The following MSANTD2 variants were observed in gnomAD, a reference collection of about 807,000 sequenced individuals.
MSANTD2 encodes myb/SANT-like DNA-binding domain-containing protein 2.
Under a neutral mutation model 52.6 loss-of-function variants are expected in MSANTD2, and 19 were observed. The observed-to-expected ratio is 0.36, with a 90% CI of 0.25 to 0.53. The LOEUF (loss-of-function observed/expected upper bound fraction) is 0.53, where lower values mean the gene tolerates loss of function less well. Ranked by LOEUF, MSANTD2 falls within the 20% of genes least tolerant of loss-of-function variation. MSANTD2 has a pLI of 0.91. For missense variants in MSANTD2, 558 were observed against 716.3 expected, an observed-to-expected ratio of 0.78 and a Z score of 2.52; for synonymous variants, 291 against 289.7, an observed-to-expected ratio of 1.00 and a Z score of -0.04.
chr11:124,772,654 G>A (rs1362135418), intron 3 of MSANTD2, among the ~76,000 whole-genome samples: 2 of 149,328 alleles, frequency 1.3e-5, no homozygotes, highest in African/African-American at 4.9e-5. Context: ...GGAGAATGGC[G>A]TGAACCTGGG....
In MSANTD2 at chr11:124,800,279, T is replaced by C. The variant is rs1945656751; in HGVS notation, c.102A>G (p.Gly34=). ...SPASPGGLSD[G]NPSLSDPSTP... is the part of the protein sequence containing the mutation. ...TGGAAGGGTCGGACAGCGATGGATT[T>C]CCGTCGCTCAGGCCACCAGGAGAAG... Residue 34 remains glycine (G), a synonymous_variant, in exon 1 of 4, where the codon GGA becomes GGG. Coordinates refer to ENST00000374979, the MANE Select transcript of MSANTD2 (RefSeq NM_001308027.2). The surrounding 1 kb of genome is among the most constrained non-coding windows in gnomAD (Gnocchi z 4.3). 1 of 1,569,080 alleles carries C rather than the reference T, an allele frequency of 6.4e-7. No individual in the cohort carries two copies.
At chr11:124,794,106 A>T (rs112334678) in intron 1 of MSANTD2, among the ~76,000 whole-genome samples, 1 of 152,340 alleles carries the variant, frequency 6.6e-6, no homozygotes, top group African/African-American at 2.4e-5. Flanking sequence ...TGGCTATCAT[A>T]CTGAACTGAG....
chr11:124,766,681 G>GA lies in MSANTD2; in HGVS notation c.*494dup, dbSNP rs1162799003. The GA allele has an allele frequency of 6.5e-6, 1 of 152,912 alleles. No individual in the cohort carries two copies. Among genetic ancestry groups the GA allele is most frequent in the East Asian group, 1.9e-4 (1 of 5,194 alleles). 9.5% of individuals were successfully genotyped at this position (152,912 alleles called of 1,614,324 possible). A position where few individuals can be genotyped will look rare whatever the true frequency, so the allele number is the denominator to read the frequency against. Reference sequence around the variant, plus strand: ...TACAATAGTAGCTAAGGGTGATATTGAAAAAGTCTTTTTAACTGTGAATCA... The same window carrying GA: ...TACAATAGTAGCTAAGGGTGATATTGAAAAAAGTCTTTTTAACTGTGAATCA... On this transcript the variant is annotated 3_prime_UTR_variant, in exon 4 of 4. Coordinates refer to ENST00000374979, the MANE Select transcript of MSANTD2 (RefSeq NM_001308027.2).
chr11:124,786,095 CTTTTTTTTTTT>C (rs200399771), intron 1 of MSANTD2, among the ~76,000 whole-genome samples: 1 of 114,408 alleles, frequency 8.7e-6, no homozygotes, highest in African/African-American at 3.3e-5. Flanking sequence ...ATCATTTCTT[CTTTTTTTTTTT>C]TTTTTTTTTT....
intron 1 of MSANTD2, among the ~76,000 whole-genome samples, chr11:124,794,111 A>G (rs1324105898): frequency 6.6e-6 from 1 of 152,210 alleles, no homozygotes; most frequent in East Asian, 1.9e-4. Flanking sequence ...ATCATACTGA[A>G]CTGAGGTAGA....
chr11:124,799,273 C>T (rs1402157808), intron 1 of MSANTD2, among the ~76,000 whole-genome samples: 1 of 152,344 alleles, frequency 6.6e-6, no homozygotes, highest in Admixed American at 6.5e-5. Flanking sequence ...GGTAACAATA[C>T]ACAATCTGGC....
At chr11:124,775,190 A>T (rs760007213) in intron 1 of MSANTD2, 8 of 499,552 alleles carry the variant, frequency 1.6e-5, no homozygotes, top group Non-Finnish European at 2.8e-5. Context: ...TTTTGCAATT[A>T]ATTATCCATT....
intron 2 of MSANTD2, chr11:124,773,329 T>G (rs1424913062): frequency 3.9e-6 from 1 of 255,052 alleles, no homozygotes; most frequent in African/African-American, 2.2e-5. Context: ...TTAATTTCAC[T>G]GCAGACATGA....
At chr11:124,772,351 A>G (rs1291986951) in intron 3 of MSANTD2, among the ~76,000 whole-genome samples, 1 of 152,222 alleles carries the variant, frequency 6.6e-6, no homozygotes, top group South Asian at 2.1e-4. Context: ...CCAAAAACAC[A>G]TCTGTTTTCC....
Position 124,767,555 on chromosome 11 carries a change from G to C in MSANTD2, c.1301C>G (p.Pro434Arg). The C allele has an allele frequency of 1.1e-5, 17 of 1,614,084 alleles. No individual in the cohort carries two copies. The highest frequency in any genetic ancestry group is 1.4e-5 in the Non-Finnish European group (17 of 1,180,004). ...AIGYEECIER[P>R]LSPHMEQSSL... ...ACTTTGCTCCATGTGTGGTGAGAGGGGCCTCTCAATACATTCTTCATAGCC... is the reference window on the plus strand; with the variant it reads ...ACTTTGCTCCATGTGTGGTGAGAGGCGCCTCTCAATACATTCTTCATAGCC... The change falls in exon 4 of 4, where the codon CCC becomes CGC. Residue 434 changes from proline (P) to arginine (R), a missense_variant. Physicochemically the swap from Pro to Arg is moderately radical, Grantham distance 103. Coordinates refer to ENST00000374979, the MANE Select transcript of MSANTD2 (RefSeq NM_001308027.2). This position sits in a 1 kb window ranked among gnomAD's most constrained non-coding sequence, Gnocchi z 6.5.
intron 1 of MSANTD2, among the ~76,000 whole-genome samples, chr11:124,781,645 T>A (rs1240332941): frequency 6.7e-6 from 1 of 148,218 alleles, no homozygotes; most frequent in Non-Finnish European, 1.5e-5. Context: ...ATTGTGATCA[T>A]CAATGTCTTT....
At chr11:124,785,945 T>C (rs934621369) in intron 1 of MSANTD2, among the ~76,000 whole-genome samples, 1 of 152,008 alleles carries the variant, frequency 6.6e-6, no homozygotes, top group African/African-American at 2.4e-5. Flanking sequence ...AGACCTGGTA[T>C]ACTTCTCTTC....
chr11:124,789,617 TTGA>T (rs1945267895), intron 1 of MSANTD2: 2 of 152,174 alleles, frequency 1.3e-5, no homozygotes, highest in Non-Finnish European at 2.9e-5. Flanking sequence ...TAACACTCAC[TTGA>T]TTAGTGCCAA....
At chr11:124,776,810 C>A (rs1316604594) in intron 1 of MSANTD2, among the ~76,000 whole-genome samples, 1 of 152,250 alleles carries the variant, frequency 6.6e-6, no homozygotes, top group Non-Finnish European at 1.5e-5. Flanking sequence ...CAAGCATCTG[C>A]CTCATTCTCC....
chr11:124,785,925 T>G (rs923865549), intron 1 of MSANTD2, among the ~76,000 whole-genome samples: 1 of 151,870 alleles, frequency 6.6e-6, no homozygotes, highest in African/African-American at 2.4e-5. Flanking sequence ...CATCTTTGGT[T>G]TCAAAACTAA....
intron 1 of MSANTD2, among the ~76,000 whole-genome samples, chr11:124,778,697 G>A (rs928718381): frequency 6.6e-6 from 1 of 152,208 alleles, no homozygotes; most frequent in South Asian, 2.1e-4. Context: ...AAGAGCCAGA[G>A]AAAAGACTTC....
At chr11:124,777,558 C>T (rs571042321) in intron 1 of MSANTD2, among the ~76,000 whole-genome samples, 11 of 152,312 alleles carry the variant, frequency 7.2e-5, no homozygotes, top group East Asian at 1.9e-4. Context: ...AGGAAACTAG[C>T]AGTATCTAAT....
At chr11:124,799,533 G>A (rs1234235942) in intron 1 of MSANTD2, among the ~76,000 whole-genome samples, 1 of 152,216 alleles carries the variant, frequency 6.6e-6, no homozygotes. Flanking sequence ...AAAGCGAGGG[G>A]CCCCGGCGGT....
chr11:124,790,013 C>G (rs890675458), intron 1 of MSANTD2: 3 of 152,234 alleles, frequency 2.0e-5, no homozygotes, highest in African/African-American at 7.2e-5. Context: ...TTTTGAAACT[C>G]AGAAAGTTTT....
Sources: gnomAD v4.1 joint callset for allele counts (sites outside exome capture counted in the v4.1 genomes callset) on GRCh38, gnomAD v4.1.1 for gene constraint, Gnocchi (gnomAD v3.1) non-coding constraint, MANE v1.5 for transcripts, NCBI Gene and HGNC (gene_info 2026-07-23, HGNC 2026-07-21) for gene names.